Variants in DMD observed in about 807,000 individuals in gnomAD.
DMD encodes dystrophin.
A neutral mutation model predicts 330.1 loss-of-function variants in DMD; 63 were observed. That is an observed-to-expected ratio of 0.19 (90% CI 0.16 to 0.24). The LOEUF is 0.24. Among genes scored for constraint, DMD ranks in the 10% least tolerant of loss-of-function variants. The probability of loss-of-function intolerance (pLI) is 1.00; values close to 1 mark genes in which losing one functional copy is unlikely to be tolerated. For missense variants in DMD, 3,344 were observed against 2,684.1 expected, an observed-to-expected ratio of 1.25 and a Z score of -5.43; for synonymous variants, 1,223 against 959.8, an observed-to-expected ratio of 1.27 and a Z score of -5.07.
chrX:32,748,834 C>A (rs1234218058), intron 7 of DMD, among the ~76,000 whole-genome samples: 1 of 112,363 alleles, frequency 8.9e-6, no homozygotes, highest in Non-Finnish European at 1.9e-5. Context: ...TTGCAGAGAA[C>A]CAGGCAGCAA....
At chrX:31,241,479 C>T (rs1169636760) in intron 63 of DMD, among the ~76,000 whole-genome samples, 1 of 111,945 alleles carries the variant, frequency 8.9e-6, no homozygotes, top group East Asian at 2.8e-4. Flanking sequence ...TGTAAATAAA[C>T]CCATAAGTAT....
At chrX:32,510,096 G>C (rs1355132692) in intron 18 of DMD, among the ~76,000 whole-genome samples, 1 of 111,892 alleles carries the variant, frequency 8.9e-6, no homozygotes, top group East Asian at 2.8e-4. Context: ...CAACACAGCA[G>C]ACAGAGACAA....
chrX:33,110,360 T>A (rs1401603985), intron 1 of DMD, among the ~76,000 whole-genome samples: 1 of 111,437 alleles, frequency 9.0e-6, no homozygotes, highest in African/African-American at 3.3e-5. Flanking sequence ...ATGTGCAAAA[T>A]GAAAACTAAA....
rs141003545 is a variant in DMD at position 33,222,593 on chromosome X, C to T, written c.7+116666G>A. Among the ~76,000 whole-genome samples, 433 of 112,106 alleles carry T rather than the reference C, an allele frequency of 3.9e-3. 1 individual carries two copies. The highest frequency in any genetic ancestry group is 0.013 in the African/African-American group (415 of 30,858). Reference sequence around the variant, plus strand: ...AATCCATACAGATGGGAAAGGAAGACATAAAATTGTCCCTTATATGTAGAT... The same window carrying T: ...AATCCATACAGATGGGAAAGGAAGATATAAAATTGTCCCTTATATGTAGAT... On this transcript the variant is annotated intron_variant, in intron 1 of 17. Coordinates refer to the DMD transcript ENST00000288447.
At chrX:32,197,000 A>AAC (rs1557206018) in intron 44 of DMD, among the ~76,000 whole-genome samples, 1,416 of 93,866 alleles carry the variant, frequency 0.015, 49 homozygotes, top group African/African-American at 0.051. Flanking sequence ...AAAAAAAAAA[A>AAC]AAAAACAAAA....
At chrX:31,456,916 A>C (rs1368488596) in intron 59 of DMD, among the ~76,000 whole-genome samples, 1 of 105,323 alleles carries the variant, frequency 9.5e-6, no homozygotes, top group East Asian at 3.0e-4. Context: ...CCACTGGAAA[A>C]ATGGAAGTCT....
At chrX:32,812,121 G>A (rs970835836) in intron 6 of DMD, among the ~76,000 whole-genome samples, 1 of 111,148 alleles carries the variant, frequency 9.0e-6, no homozygotes, top group Non-Finnish European at 1.9e-5. Flanking sequence ...CTGAATCACA[G>A]ACACCTTTGA....
At chrX:31,687,759 A>G (rs1236262018) in intron 52 of DMD, among the ~76,000 whole-genome samples, 1 of 111,918 alleles carries the variant, frequency 8.9e-6, no homozygotes, top group Non-Finnish European at 1.9e-5. Context: ...TGCCAGATGT[A>G]TTGAAGCTCC....
At chrX:32,708,670 A>G (rs942392599) in intron 7 of DMD, among the ~76,000 whole-genome samples, 1 of 111,567 alleles carries the variant, frequency 9.0e-6, no homozygotes, top group African/African-American at 3.3e-5. Context: ...CAAGCAATTA[A>G]TCACGTTTTA....
In DMD at chrX:33,206,858, CTT is replaced by C. The variant is rs1377967478; in HGVS notation, c.31+4422_31+4423del. On this transcript the variant is annotated intron_variant, in intron 1 of 78. Coordinates refer to ENST00000357033, the MANE Select transcript of DMD (RefSeq NM_004006.3). Reference sequence around the variant, plus strand: ...GTTGTATGGCCGTGAGATGAGGACTCTTTTTATTTTATTTTTTTTTAACTTTT... The same window carrying C: ...GTTGTATGGCCGTGAGATGAGGACTCTTTATTTTATTTTTTTTTAACTTTT... 4.9e-5 allele frequency among the ~76,000 whole-genome samples: 5 copies of C among 102,420 alleles called. No individual in the cohort carries two copies. In the South Asian group the frequency reaches 1.5e-3, roughly 30 times the overall value. The allele number at this position is 102,420 out of a possible 115,157, so 88.9% of individuals were successfully genotyped here. A position where few individuals can be genotyped will look rare whatever the true frequency, so the allele number is the denominator to read the frequency against.
intron 53 of DMD, among the ~76,000 whole-genome samples, chrX:31,673,659 T>C (rs1252921013): frequency 1.8e-5 from 2 of 111,327 alleles, no homozygotes; most frequent in Non-Finnish European, 3.8e-5. Flanking sequence ...ATTTCGAAAA[T>C]TTTTTGAGGA....
chrX:32,727,471 CT>C (rs2067020089), intron 7 of DMD, among the ~76,000 whole-genome samples: 1 of 110,750 alleles, frequency 9.0e-6, no homozygotes, highest in Non-Finnish European at 1.9e-5. Flanking sequence ...TAGAGTCCTG[CT>C]TACACCTCTA....
chrX:32,535,863 A>G (rs967995303), intron 17 of DMD, among the ~76,000 whole-genome samples: 5 of 112,113 alleles, frequency 4.5e-5, no homozygotes, highest in African/African-American at 1.6e-4. Context: ...ATAGGTGTAC[A>G]GATGACAAGA....
At chrX:32,306,102 C>A (rs1049601432) in intron 42 of DMD, among the ~76,000 whole-genome samples, 2 of 108,433 alleles carry the variant, frequency 1.8e-5, no homozygotes, top group Non-Finnish European at 3.8e-5. Flanking sequence ...ATTTACTTAT[C>A]ATTTTTCTTT....
chrX:32,682,065 C>G (rs2062465546), intron 9 of DMD, among the ~76,000 whole-genome samples: 1 of 111,432 alleles, frequency 9.0e-6, no homozygotes, highest in African/African-American at 3.3e-5. Context: ...GGTAGGATAC[C>G]TATAGGGAAC....
chrX:31,810,469 C>CT (rs765029530), intron 50 of DMD, among the ~76,000 whole-genome samples: 1 of 112,045 alleles, frequency 8.9e-6, no homozygotes, highest in African/African-American at 3.2e-5. Flanking sequence ...GTAACTGGAA[C>CT]TTAGGTTAGG....
At chrX:32,657,744 A>G (rs1044523595) in intron 9 of DMD, among the ~76,000 whole-genome samples, 3 of 112,232 alleles carry the variant, frequency 2.7e-5, no homozygotes, top group Admixed American at 1.9e-4. Context: ...AATTTAAAAT[A>G]GGATAGTTAC....
chrX:32,694,640 T>A (rs1273144035), intron 9 of DMD, among the ~76,000 whole-genome samples: 3 of 104,736 alleles, frequency 2.9e-5, no homozygotes, highest in Non-Finnish European at 5.6e-5. Flanking sequence ...AAGGCTCATA[T>A]CATACCATTT....
chrX:31,678,465 C>T (rs1030534946), intron 53 of DMD, among the ~76,000 whole-genome samples: 3 of 112,121 alleles, frequency 2.7e-5, no homozygotes, highest in Non-Finnish European at 3.8e-5. Context: ...AGGGATTAAA[C>T]GCATGCAAAG....
Sources: gnomAD v4.1 joint callset for allele counts (sites outside exome capture counted in the v4.1 genomes callset) on GRCh38, gnomAD v4.1.1 for gene constraint, MANE v1.5 for transcripts, NCBI Gene and HGNC (gene_info 2026-07-23, HGNC 2026-07-21) for gene names.